The following DLGAP2 variants were observed in gnomAD, a reference collection of about 807,000 sequenced individuals.
DLGAP2 encodes the protein disks large-associated protein 2.
DLGAP2 carries 26 observed loss-of-function variants against 100.3 expected under a neutral mutation model. The observed-to-expected ratio is 0.26, with a 90% confidence interval of 0.19 to 0.36. The LOEUF is 0.36. Among genes scored for constraint, DLGAP2 ranks in the 10% least tolerant of loss-of-function variants. The pLI, the probability that DLGAP2 is intolerant of heterozygous loss-of-function variation, is 1.00. For synonymous variants in DLGAP2, 886 were observed against 630.1 expected (o/e 1.41, Z -6.08); for missense variants, 1,858 against 1,453.2 (o/e 1.28, Z -4.53).
At chr8:1,089,112 C>T (rs1466379624) in intron 2 of DLGAP2, among the ~76,000 whole-genome samples, 12 of 146,028 alleles carry the variant, frequency 8.2e-5, no homozygotes, top group Non-Finnish European at 7.5e-5. Context: ...TGCTCCCCGG[C>T]CTCACTCTCT....
intron 3 of DLGAP2, among the ~76,000 whole-genome samples, chr8:1,425,062 T>C (rs1037954194): frequency 6.6e-6 from 1 of 152,216 alleles, no homozygotes; most frequent in African/African-American, 2.4e-5. Context: ...TTAAAAAATT[T>C]TTTGCACTTA....
intron 1 of DLGAP2, among the ~76,000 whole-genome samples, chr8:873,809 T>C (rs1797642199): frequency 6.6e-6 from 1 of 152,194 alleles, no homozygotes. Flanking sequence ...TTAAGGTTTG[T>C]TTTGATTTGG....
chr8:1,548,414 G>A (rs555811412), intron 4 of DLGAP2, among the ~76,000 whole-genome samples: 81 of 142,000 alleles, frequency 5.7e-4, no homozygotes, highest in Non-Finnish European at 9.0e-4. Context: ...AGCCGTGATC[G>A]CGCCATTGCA....
intron 1 of DLGAP2, among the ~76,000 whole-genome samples, chr8:833,102 G>A (rs1796811395): frequency 6.6e-6 from 1 of 152,208 alleles, no homozygotes; most frequent in African/African-American, 2.4e-5. Flanking sequence ...GGGCTTACCT[G>A]TCTTCATGCT....
chr8:1,413,943 G>C (rs570420072), intron 3 of DLGAP2, among the ~76,000 whole-genome samples: 2 of 152,040 alleles, frequency 1.3e-5, no homozygotes, highest in Non-Finnish European at 2.9e-5. Flanking sequence ...CAAACTCATC[G>C]TAAGCTGTTC....
At chr8:1,203,309 A>G in intron 2 of DLGAP2, among the ~76,000 whole-genome samples, 1 of 149,096 alleles carries the variant, frequency 6.7e-6, no homozygotes, top group Non-Finnish European at 1.5e-5. Flanking sequence ...AATCCATGAG[A>G]CTGGCGTGTC....
chr8:1,171,411 G>A (rs1160914897), intron 2 of DLGAP2, among the ~76,000 whole-genome samples: 1 of 152,120 alleles, frequency 6.6e-6, no homozygotes, highest in Admixed American at 6.5e-5. Flanking sequence ...GCTTGGCGCA[G>A]AGCTGAGTTC....
intron 1 of DLGAP2, among the ~76,000 whole-genome samples, chr8:887,256 T>C (rs1797941386): frequency 6.6e-6 from 1 of 152,156 alleles, no homozygotes; most frequent in Admixed American, 6.5e-5. Flanking sequence ...ATTTTGAGCC[T>C]ACATGTGTCT....
intron 2 of DLGAP2, among the ~76,000 whole-genome samples, chr8:975,859 A>G (rs560008874): frequency 3.1e-4 from 47 of 152,352 alleles, no homozygotes; most frequent in African/African-American, 1.0e-3. Context: ...AGCAAATGCA[A>G]TGAGACAGGA....
chr8:1,457,404 T>C (rs894824135), intron 3 of DLGAP2, among the ~76,000 whole-genome samples: 1 of 152,214 alleles, frequency 6.6e-6, no homozygotes, highest in African/African-American at 2.4e-5. Flanking sequence ...AGGCTGTGTA[T>C]GCCGTAAGAA....
rs559929291 is a variant in DLGAP2, at chr8:763,323, G to C, written c.18+25498G>C. Among the ~76,000 whole-genome samples, 3 of 152,306 alleles carry C rather than the reference G, an allele frequency of 2.0e-5. No homozygotes were observed. The East Asian group carries it at 5.8e-4, about 29-fold the overall frequency. The stretch of plus-strand genomic sequence containing the variant: ...ACATCGTATTGAAGTGAAGATCACT[G>C]TTACTGTTGTCACTCATCTTCTTGC... On this transcript the variant is annotated intron_variant, in intron 1 of 14. Coordinates refer to ENST00000637795, the MANE Select transcript of DLGAP2 (RefSeq NM_001346810.2).
intron 3 of DLGAP2, among the ~76,000 whole-genome samples, chr8:1,329,643 C>T (rs952581432): frequency 1.6e-4 from 24 of 152,078 alleles, no homozygotes; most frequent in Admixed American, 1.3e-4. Flanking sequence ...TGAACATGGG[C>T]CCTAAGTGAG....
At chr8:1,517,351 A>G (rs888705038) in intron 4 of DLGAP2, among the ~76,000 whole-genome samples, 6 of 152,048 alleles carry the variant, frequency 3.9e-5, no homozygotes, top group Admixed American at 2.6e-4. Flanking sequence ...GGAGCCCAGG[A>G]GGAGCAGAGA....
intron 12 of DLGAP2, among the ~76,000 whole-genome samples, chr8:1,683,952 GTGTATATATATATATATATA>G (rs1310956067): frequency 9.8e-5 from 2 of 20,346 alleles, no homozygotes; most frequent in African/African-American, 4.1e-4. Flanking sequence ...ATATATATGT[GTGTATATATATATATATATA>G]TATATATATA....
At chr8:1,560,346 T>A (rs918234708) in intron 5 of DLGAP2, among the ~76,000 whole-genome samples, 1 of 152,202 alleles carries the variant, frequency 6.6e-6, no homozygotes, top group East Asian at 1.9e-4. Flanking sequence ...GTAGTATCCA[T>A]CCTGTGCTTT....
chr8:1,061,980 A>T (rs1236355038), intron 2 of DLGAP2, among the ~76,000 whole-genome samples: 4 of 151,826 alleles, frequency 2.6e-5, no homozygotes, highest in Non-Finnish European at 5.9e-5. Flanking sequence ...AAATGATATC[A>T]TCACAATAGG....
intron 1 of DLGAP2, among the ~76,000 whole-genome samples, chr8:814,878 T>G (rs1455540597): frequency 9.0e-6 from 1 of 110,628 alleles, no homozygotes; most frequent in African/African-American, 3.5e-5. Flanking sequence ...AAAAAAGAAA[T>G]ACTATCAACA....
intron 2 of DLGAP2, among the ~76,000 whole-genome samples, chr8:1,131,029 C>G (rs1018995945): frequency 6.6e-6 from 1 of 152,174 alleles, no homozygotes; most frequent in Non-Finnish European, 1.5e-5. Context: ...ACTCAGTTTT[C>G]TTTAGAAGGA....
At chr8:826,704 C>A (rs986205372) in intron 1 of DLGAP2, among the ~76,000 whole-genome samples, 6 of 152,150 alleles carry the variant, frequency 3.9e-5, no homozygotes, top group Non-Finnish European at 5.9e-5. Flanking sequence ...CTGTGCTTCA[C>A]TCGGTCATGC....
Sources: gnomAD v4.1 joint callset for allele counts (sites outside exome capture counted in the v4.1 genomes callset) on GRCh38, gnomAD v4.1.1 for gene constraint, MANE v1.5 for transcripts, NCBI Gene and HGNC (gene_info 2026-07-23, HGNC 2026-07-21) for gene names.